The following CHLSN variants were observed in gnomAD, a reference collection of about 807,000 sequenced individuals.
CHLSN encodes the protein protein cholesin.
chr7:988,625 TC>T, the CHLSN span: 1 of 1,602,988 alleles, frequency 6.2e-7, no homozygotes. Flanking sequence ...TGCCTGGACA[TC>T]CCCCGCAGGC....
the CHLSN span, among the ~76,000 whole-genome samples, chr7:1,113,018 G>A: frequency 6.6e-6 from 1 of 152,210 alleles, no homozygotes; most frequent in Admixed American, 6.5e-5. Context: ...AGCACCAGGA[G>A]CCGTGCAGTG....
chr7:1,070,691 T>G, the CHLSN span, among the ~76,000 whole-genome samples: 1 of 122,072 alleles, frequency 8.2e-6, no homozygotes, highest in African/African-American at 3.2e-5. Context: ...ACGATACACA[T>G]GCACACGCGA....
the CHLSN span, chr7:1,138,188 CCTGCGCCCACCTG>C: frequency 6.6e-6 from 1 of 151,528 alleles, no homozygotes; most frequent in Non-Finnish European, 1.5e-5. Flanking sequence ...CACGCGCCTA[CCTGCGCCCACCTG>C]CGCCCACGTC....
At chr7:988,295 C>G in the CHLSN span, 1 of 1,599,808 alleles carries the variant, frequency 6.3e-7, no homozygotes. Flanking sequence ...CGTGATTCCC[C>G]TGCTGACCTC....
the CHLSN span, among the ~76,000 whole-genome samples, chr7:1,111,868 T>C: frequency 3.3e-5 from 5 of 151,794 alleles, no homozygotes; most frequent in East Asian, 9.6e-4. Flanking sequence ...TCGCTGTGGA[T>C]GGAAAAGCAA....
chr7:1,135,797 A>T, the CHLSN span, among the ~76,000 whole-genome samples: 2 of 136,282 alleles, frequency 1.5e-5, no homozygotes, highest in Admixed American at 1.6e-4. Context: ...ATATATACAC[A>T]ATTTATTTAT....
chr7:1,133,063 C>G, the CHLSN span, among the ~76,000 whole-genome samples: 1 of 152,116 alleles, frequency 6.6e-6, no homozygotes, highest in Admixed American at 6.6e-5. Flanking sequence ...AAGGGGGAAA[C>G]AAGACGTGGC....
chr7:992,014 G>A, the CHLSN span, among the ~76,000 whole-genome samples: 1 of 152,178 alleles, frequency 6.6e-6, no homozygotes, highest in African/African-American at 2.4e-5. Context: ...CAGCCCGCGA[G>A]CCCAGCTTCC....
the CHLSN span, among the ~76,000 whole-genome samples, chr7:1,119,877 A>AG: frequency 2.2e-5 from 3 of 139,278 alleles, no homozygotes; most frequent in African/African-American, 7.8e-5. Context: ...AACTCCGTCA[A>AG]AAAAAAAAAA....
At chr7:1,006,044 A>G in the CHLSN span, among the ~76,000 whole-genome samples, 67 of 152,374 alleles carry the variant, frequency 4.4e-4, no homozygotes, top group African/African-American at 1.6e-3. Context: ...TGCGTTAAGC[A>G]TATAAATAAA....
At chr7:1,112,808 C>T in the CHLSN span, among the ~76,000 whole-genome samples, 1 of 152,152 alleles carries the variant, frequency 6.6e-6, no homozygotes, top group Non-Finnish European at 1.5e-5. Context: ...ACGGCACGGC[C>T]ACTCTGGAGA....
chr7:1,127,482 A>T, the CHLSN span: 10 of 328,392 alleles, frequency 3.0e-5, no homozygotes, highest in South Asian at 1.7e-4. Flanking sequence ...CTCTCCCATT[A>T]AAAAAAAAAA....
At chr7:1,048,202 G>T in the CHLSN span, among the ~76,000 whole-genome samples, 1 of 152,334 alleles carries the variant, frequency 6.6e-6, no homozygotes, top group South Asian at 2.1e-4. Flanking sequence ...AAAAGACAGT[G>T]TGAAAGAGAG....
At chr7:1,119,553 T>C in the CHLSN span, among the ~76,000 whole-genome samples, 1 of 152,152 alleles carries the variant, frequency 6.6e-6, no homozygotes, top group Admixed American at 6.6e-5. Flanking sequence ...GAAGGTCACA[T>C]ATCACAGTGC....
At chr7:1,040,866 G>A in the CHLSN span, among the ~76,000 whole-genome samples, 4 of 152,348 alleles carry the variant, frequency 2.6e-5, no homozygotes, top group East Asian at 3.9e-4. Context: ...ACGAGAAGGC[G>A]CAGCTCGGAG....
chr7:1,111,052 G>A, the CHLSN span, among the ~76,000 whole-genome samples: 12 of 152,168 alleles, frequency 7.9e-5, no homozygotes, highest in African/African-American at 2.4e-4. Flanking sequence ...CTCCAGCCTG[G>A]GCGACAGAGC....
chr7:1,051,604 C>T, the CHLSN span, among the ~76,000 whole-genome samples: 9 of 152,324 alleles, frequency 5.9e-5, no homozygotes, highest in African/African-American at 1.7e-4. Flanking sequence ...AGATATCTCC[C>T]GCATGTCAGC....
At chr7:992,137 C>T in the CHLSN span, among the ~76,000 whole-genome samples, 1 of 152,252 alleles carries the variant, frequency 6.6e-6, no homozygotes, top group African/African-American at 2.4e-5. Flanking sequence ...CTGAACTGCT[C>T]CCCGGACGTC....
chr7:1,004,108 G>A, the CHLSN span, among the ~76,000 whole-genome samples: 6 of 152,040 alleles, frequency 3.9e-5, no homozygotes, highest in South Asian at 2.1e-4. Context: ...GGGCTCCTGC[G>A]TGATGAGAGG....
Sources: allele counts gnomAD v4.1 joint callset (sites outside exome capture counted in the v4.1 genomes callset), GRCh38; gene constraint gnomAD v4.1.1; transcripts MANE v1.5; gene names NCBI Gene and HGNC (gene_info 2026-07-23, HGNC 2026-07-21).